The following ERBB4 variants were observed in gnomAD, a reference collection of about 807,000 sequenced individuals.
ERBB4 encodes the protein receptor tyrosine-protein kinase erbB-4.
A neutral mutation model predicts 158.0 loss-of-function variants in ERBB4; 42 were observed. That is an observed-to-expected ratio of 0.27 (90% CI 0.21 to 0.34). The LOEUF (loss-of-function observed/expected upper bound fraction) is 0.34. Ranked by LOEUF, ERBB4 falls within the 10% of genes least tolerant of loss-of-function variation. The pLI is 1.00. For missense variants in ERBB4, 1,333 were observed against 1,624.1 expected, an observed-to-expected ratio of 0.82 and a Z score of 3.08; for synonymous variants, 583 against 558.7, an observed-to-expected ratio of 1.04 and a Z score of -0.61.
At chr2:212,420,317 TATAGCCAGCCCAC>T (rs1342005748) in intron 1 of ERBB4, among the ~76,000 whole-genome samples, 2 of 152,066 alleles carry the variant, frequency 1.3e-5, no homozygotes, top group Non-Finnish European at 2.9e-5. Flanking sequence ...AATGATATGC[TATAGCCAGCCCAC>T]AGTTATGCTC....
chr2:212,133,745 G>A (rs2080183513), intron 1 of ERBB4, among the ~76,000 whole-genome samples: 1 of 151,696 alleles, frequency 6.6e-6, no homozygotes, highest in African/African-American at 2.4e-5. Context: ...CCAGAGGATT[G>A]CTTCAGGTCA....
chr2:211,402,554 A>G (rs2063067398), intron 25 of ERBB4, among the ~76,000 whole-genome samples: 1 of 151,976 alleles, frequency 6.6e-6, no homozygotes, highest in Non-Finnish European at 1.5e-5. Flanking sequence ...AGGAGAATAT[A>G]TTTCCAAGAG....
At chr2:211,848,215 A>C (rs1187091354) in intron 3 of ERBB4, among the ~76,000 whole-genome samples, 1 of 152,134 alleles carries the variant, frequency 6.6e-6, no homozygotes, top group Non-Finnish European at 1.5e-5. Flanking sequence ...GCCCCTAGCT[A>C]AAGTGGGTCC....
chr2:212,024,853 T>A lies in ERBB4; in HGVS notation c.235-77237A>T, dbSNP rs138670012. Among the ~76,000 whole-genome samples, 875 of 151,934 alleles carry A rather than the reference T, an allele frequency of 5.8e-3. 3 individuals carry two copies. The highest frequency in any genetic ancestry group is 9.7e-3 in the Non-Finnish European group (656 of 67,800). On this transcript the variant is annotated intron_variant, in intron 2 of 27. Transcript: ENST00000342788. The stretch of plus-strand genomic sequence containing the variant: ...ATTGGAGTCTGATGTGATATGAATA[T>A]CAAAATGTAGTAACCAAGGACCTTG...
chr2:211,394,847 C>T (rs1056735362), intron 25 of ERBB4, among the ~76,000 whole-genome samples: 3 of 152,160 alleles, frequency 2.0e-5, no homozygotes, highest in African/African-American at 2.4e-5. Flanking sequence ...AACAAATGGT[C>T]TCATGAAATC....
intron 20 of ERBB4, among the ~76,000 whole-genome samples, chr2:211,484,476 A>C (rs771488448): frequency 8.5e-5 from 13 of 152,176 alleles, no homozygotes; most frequent in Non-Finnish European, 1.9e-4. Flanking sequence ...CAATTTAAAC[A>C]TAAAAACACA....
At chr2:212,192,868 G>T (rs899532796) in intron 1 of ERBB4, among the ~76,000 whole-genome samples, 3 of 152,068 alleles carry the variant, frequency 2.0e-5, no homozygotes, top group Admixed American at 2.0e-4. Context: ...GCTATCCATA[G>T]GGAGGAGGGG....
chr2:212,148,152 T>A (rs2080745372), intron 1 of ERBB4, among the ~76,000 whole-genome samples: 1 of 152,140 alleles, frequency 6.6e-6, no homozygotes, highest in South Asian at 2.1e-4. Context: ...TTTCTTTTTT[T>A]TTTTTATTCA....
intron 20 of ERBB4, among the ~76,000 whole-genome samples, chr2:211,454,331 G>C (rs1483441148): frequency 6.6e-6 from 1 of 152,134 alleles, no homozygotes; most frequent in Non-Finnish European, 1.5e-5. Context: ...ATAAATAAAA[G>C]CTTAGAGGCA....
At chr2:211,586,417 A>G (rs2068280173) in intron 19 of ERBB4, among the ~76,000 whole-genome samples, 1 of 152,358 alleles carries the variant, frequency 6.6e-6, no homozygotes, top group African/African-American at 2.4e-5. Flanking sequence ...ATCATTCAAA[A>G]TAAGGGAATT....
chr2:212,006,267 C>T (rs760249300), intron 2 of ERBB4, among the ~76,000 whole-genome samples: 2 of 151,954 alleles, frequency 1.3e-5, no homozygotes, highest in Non-Finnish European at 2.9e-5. Context: ...TATAAATAAA[C>T]TTTCAGTGTA....
intron 1 of ERBB4, among the ~76,000 whole-genome samples, chr2:212,364,038 A>T (rs2089790952): frequency 6.6e-6 from 1 of 151,776 alleles, no homozygotes; most frequent in South Asian, 2.1e-4. Flanking sequence ...TCTCTGGTAA[A>T]CTGGTTAGTT....
At chr2:212,372,433 G>A (rs2090120618) in intron 1 of ERBB4, among the ~76,000 whole-genome samples, 1 of 151,968 alleles carries the variant, frequency 6.6e-6, no homozygotes, top group African/African-American at 2.4e-5. Context: ...AGCTTCCTTT[G>A]CCTAGCTCTG....
chr2:211,757,030 G>T (rs955292159), intron 4 of ERBB4, among the ~76,000 whole-genome samples: 1 of 152,138 alleles, frequency 6.6e-6, no homozygotes, highest in African/African-American at 2.4e-5. Context: ...TAATAGTAAA[G>T]TCTCAATATG....
chr2:211,977,522 T>C (rs1171225874), intron 2 of ERBB4, among the ~76,000 whole-genome samples: 2 of 9,792 alleles, frequency 2.0e-4, no homozygotes, highest in African/African-American at 2.9e-4. Flanking sequence ...TTTGTTAAGA[T>C]ATTGACTTTA....
chr2:212,187,102 A>C (rs1024951077), intron 1 of ERBB4, among the ~76,000 whole-genome samples: 1 of 152,068 alleles, frequency 6.6e-6, no homozygotes, highest in Non-Finnish European at 1.5e-5. Context: ...AGTTTACTTG[A>C]CTCTACTGTT....
chr2:212,209,843 T>C (rs2082876600), intron 1 of ERBB4, among the ~76,000 whole-genome samples: 1 of 152,110 alleles, frequency 6.6e-6, no homozygotes, highest in African/African-American at 2.4e-5. Flanking sequence ...CATTGGGCAA[T>C]ATGTATGTTG....
rs1022910132 is a variant in ERBB4 at position 211,892,672 on chromosome 2, GC to G, written c.421+54757del. On this transcript the variant is annotated intron_variant, in intron 3 of 27. Transcript: ENST00000342788. ...ATATCTAGAAAACCCCATTGTTTCA[GC>G]CCAAAATCTCCTTAAGCTGATAAGC... 4.1e-5 allele frequency among the ~76,000 whole-genome samples: 6 copies of G among 145,502 alleles called. 2 individuals are homozygous for G. The highest frequency in any genetic ancestry group is 1.6e-4 in the African/African-American group (6 of 37,436).
intron 1 of ERBB4, among the ~76,000 whole-genome samples, chr2:212,269,840 T>A (rs1269700446): frequency 2.0e-5 from 3 of 151,818 alleles, no homozygotes; most frequent in Admixed American, 6.6e-5. Flanking sequence ...CCTTGTTTCC[T>A]GCTGGTAGGT....
Sources: gnomAD v4.1 joint callset for allele counts (sites outside exome capture counted in the v4.1 genomes callset) on GRCh38, gnomAD v4.1.1 for gene constraint, MANE v1.5 for transcripts, NCBI Gene and HGNC (gene_info 2026-07-23, HGNC 2026-07-21) for gene names.